The following TCERG1 variants were observed in gnomAD, a reference collection of about 807,000 sequenced individuals.
TCERG1 encodes the protein transcription elongation regulator 1, also known as TATA box binding protein (TBP)-associated factor, RNA polymerase II, S, 150kD.
Under a neutral mutation model 144.7 loss-of-function variants are expected in TCERG1, and 37 were observed. The ratio of observed to expected loss-of-function variants is 0.26; its 90% confidence interval spans 0.20 to 0.34. The LOEUF (loss-of-function observed/expected upper bound fraction) is 0.34, where lower values mean the gene tolerates loss of function less well. Among genes scored for constraint, TCERG1 ranks in the 10% least tolerant of loss-of-function variants. TCERG1 has a pLI of 1.00. For missense variants in TCERG1, 1,027 were observed against 1,380.7 expected (o/e 0.74, Z 4.06); for synonymous variants, 492 against 458.2 (o/e 1.07, Z -0.94).
intron 15 of TCERG1, among the ~76,000 whole-genome samples, chr5:146,487,886 C>T (rs1313502688): frequency 6.6e-6 from 1 of 152,092 alleles, no homozygotes; most frequent in African/African-American, 2.4e-5. Context: ...CAGTACGGTA[C>T]TGGCATAAAA....
intron 5 of TCERG1, among the ~76,000 whole-genome samples, chr5:146,466,287 T>G (rs1474914205): frequency 6.6e-6 from 1 of 152,164 alleles, no homozygotes; most frequent in Admixed American, 6.5e-5. Context: ...GTAATTTGTC[T>G]TGGAGGCTTA....
intron 15 of TCERG1, among the ~76,000 whole-genome samples, chr5:146,485,305 A>G (rs773298933): frequency 6.6e-6 from 1 of 152,032 alleles, no homozygotes; most frequent in Non-Finnish European, 1.5e-5. Flanking sequence ...TGCCTTTTCT[A>G]ATTTCTTTAT....
intron 4 of TCERG1, among the ~76,000 whole-genome samples, chr5:146,461,226 G>A (rs1763301036): frequency 6.6e-6 from 1 of 151,834 alleles, no homozygotes; most frequent in East Asian, 1.9e-4. Context: ...ATATAATATA[G>A]CAAAATCATA....
chr5:146,507,406 C>G lies in TCERG1; in HGVS notation c.2961+199C>G. On this transcript the variant is annotated intron_variant, in intron 20 of 22. Coordinates refer to ENST00000679501, the MANE Select transcript of TCERG1 (RefSeq NM_001382548.1). This position sits in a 1 kb window ranked among gnomAD's most constrained non-coding sequence, Gnocchi z 4.6. Reference sequence around the variant, plus strand: ...GCCTATTCTTTGCAGTTTTCACATTCATAACTGCTCCCATAGTAATTCAAA... The same window carrying G: ...GCCTATTCTTTGCAGTTTTCACATTGATAACTGCTCCCATAGTAATTCAAA... The G allele has an allele frequency of 2.0e-6, 1 of 502,278 alleles. No homozygotes were observed. Among genetic ancestry groups the G allele is most frequent in the South Asian group, 4.0e-5 (1 of 24,852 alleles). 31.1% of individuals were successfully genotyped at this position (502,278 alleles called of 1,614,324 possible).
At chr5:146,453,386 G>A (rs1253574253) in intron 1 of TCERG1, among the ~76,000 whole-genome samples, 3 of 152,112 alleles carry the variant, frequency 2.0e-5, no homozygotes, top group South Asian at 2.1e-4. Flanking sequence ...TACTATTTGC[G>A]TGCACACGTG....
chr5:146,483,529 T>TG lies in TCERG1; in HGVS notation c.2074-11_2074-10insG. 1 of 1,608,218 alleles carries TG rather than the reference T, an allele frequency of 6.2e-7. No homozygotes were observed. Among genetic ancestry groups the TG allele is most frequent in the South Asian group, 1.1e-5 (1 of 89,858 alleles). ...GACTTAATTATGAGGCAATACGTTT[T>TG]TATTTTAAAGGTGTCTGCTTTTTCA... On this transcript the variant is annotated splice_polypyrimidine_tract_variant and intron_variant, in intron 14 of 22. Transcript: ENST00000679501.
At chr5:146,468,554 T>G (rs1393009517) in intron 6 of TCERG1, 151 bp downstream of exon 6, 2 of 603,368 alleles carry the variant, frequency 3.3e-6, no homozygotes, top group African/African-American at 1.9e-5. Flanking sequence ...GTTGTCATAT[T>G]TGGCCAACAC....
At chr5:146,484,162 A>C (rs1296962333) in intron 15 of TCERG1, among the ~76,000 whole-genome samples, 2 of 152,298 alleles carry the variant, frequency 1.3e-5, no homozygotes, top group South Asian at 4.1e-4. Context: ...ACACAACTGC[A>C]TATACAAAGT....
At position 146,509,180 on chromosome 5, in the gene TCERG1, C is replaced by T; in HGVS notation, c.3081C>T (p.Asp1027=). The change falls in exon 22 of 23, where the codon GAC becomes GAT. Residue 1027 remains aspartate (D), a synonymous_variant. Coordinates refer to ENST00000679501, the MANE Select transcript of TCERG1 (RefSeq NM_001382548.1). ...GAGAATTTGAAGAATATATCAGAGA[C>T]AAATATATCACAGCCAAAGCTGACT... The part of the protein sequence containing the change: ...KQREFEEYIR[D]KYITAKADFR... 2 of 1,604,784 alleles carry T rather than the reference C, an allele frequency of 1.2e-6. No homozygotes were observed. The highest frequency in any genetic ancestry group is 1.7e-6 in the Non-Finnish European group (2 of 1,176,602).
chr5:146,449,032 G>A (rs545303296), intron 1 of TCERG1, among the ~76,000 whole-genome samples: 1 of 152,118 alleles, frequency 6.6e-6, no homozygotes, highest in Non-Finnish European at 1.5e-5. Context: ...ATTTTATACC[G>A]TAGCCTCTTG....
chr5:146,466,210 A>T (rs1047226017), intron 5 of TCERG1, among the ~76,000 whole-genome samples: 1 of 152,042 alleles, frequency 6.6e-6, no homozygotes, highest in Non-Finnish European at 1.5e-5. Flanking sequence ...AAACAATGAG[A>T]TTTGTGTCTC....
chr5:146,482,594 G>A lies in TCERG1; in HGVS notation c.1940G>A (p.Arg647Lys). The A allele has an allele frequency of 6.2e-7, 1 of 1,608,254 alleles. No individual in the cohort carries two copies. The highest frequency in any genetic ancestry group is 8.5e-7 in the Non-Finnish European group (1 of 1,177,340). Residue 647 changes from arginine (R) to lysine (K), a missense_variant and splice_region_variant, in exon 14 of 23, where the codon AGA becomes AAA. By Grantham distance (26) the Arg-to-Lys change is conservative. Around this residue, in one of 6 missense-constraint regions of TCERG1, gnomAD observed 482 missense variants for 632.6 expected, o/e 0.76. Coordinates refer to ENST00000679501, the MANE Select transcript of TCERG1 (RefSeq NM_001382548.1). ...GTCTTATATTTTATTTTTTATAGGA[G>A]AGACGATAATAAAGACATTGACTCA... is the stretch of plus-strand genomic sequence containing the variant. ...MWIARASLFR[R>K]DDNKDIDSEK...
chr5:146,460,258 G>T (rs1332486717), intron 4 of TCERG1, among the ~76,000 whole-genome samples: 1 of 152,028 alleles, frequency 6.6e-6, no homozygotes. Context: ...TTAAGAGAGG[G>T]ACACAGCTAT....
intron 15 of TCERG1, among the ~76,000 whole-genome samples, chr5:146,491,440 G>A (rs1023118295): frequency 2.0e-5 from 3 of 152,114 alleles, no homozygotes; most frequent in Admixed American, 1.3e-4. Context: ...GGCCAGGGAT[G>A]CTGGTATACA....
At chr5:146,449,273 T>G (rs1335838525) in intron 1 of TCERG1, among the ~76,000 whole-genome samples, 1 of 152,194 alleles carries the variant, frequency 6.6e-6, no homozygotes, top group Non-Finnish European at 1.5e-5. Flanking sequence ...ATACTTCACT[T>G]ATTGGGCCGA....
intron 15 of TCERG1, among the ~76,000 whole-genome samples, chr5:146,486,368 C>A (rs1318763701): frequency 2.0e-5 from 3 of 152,036 alleles, no homozygotes; most frequent in Non-Finnish European, 4.4e-5. Context: ...TTAGAATTTT[C>A]TTTTGATAAA....
intron 16 of TCERG1, among the ~76,000 whole-genome samples, 180 bp downstream of exon 16, chr5:146,493,218 C>T (rs1766589995): frequency 6.6e-6 from 1 of 151,982 alleles, no homozygotes; most frequent in South Asian, 2.1e-4. Flanking sequence ...TTAGAGGAAT[C>T]CTAAGTGCTC....
chr5:146,476,588 C>T (rs1429494574), intron 9 of TCERG1, among the ~76,000 whole-genome samples: 2 of 152,050 alleles, frequency 1.3e-5, no homozygotes, highest in Non-Finnish European at 2.9e-5. Context: ...TACTTGGTTT[C>T]AAAGTTATAA....
At position 146,496,869 on chromosome 5, in the gene TCERG1, G is replaced by GTT. The variant is rs70998085; in HGVS notation, c.2283-1646_2283-1645dup. Among the ~76,000 whole-genome samples, 293 of 83,292 alleles carry GTT rather than the reference G, an allele frequency of 3.5e-3. 1 individual carries two copies. The highest frequency in any genetic ancestry group is 4.3e-3 in the Non-Finnish European group (191 of 44,790). 54.6% of individuals were successfully genotyped at this position (83,292 alleles called of 152,430 possible). A position where few individuals can be genotyped will look rare whatever the true frequency, so the allele number is the denominator to read the frequency against. On this transcript the variant is annotated intron_variant, in intron 16 of 22. Transcript: ENST00000679501. Reference sequence around the variant, plus strand: ...TTGTAGGGACAGAGCCTCACTATGTGTTTTTTTTTTTTTTTTTTTTTTGAG... The same window carrying GTT: ...TTGTAGGGACAGAGCCTCACTATGTGTTTTTTTTTTTTTTTTTTTTTTTTGAG...
Sources: gnomAD v4.1 joint callset for allele counts (sites outside exome capture counted in the v4.1 genomes callset) on GRCh38, gnomAD v4.1.1 for gene constraint, gnomAD v4.1.1 regional missense constraint, Gnocchi (gnomAD v3.1) non-coding constraint, MANE v1.5 for transcripts, NCBI Gene and HGNC (gene_info 2026-07-23, HGNC 2026-07-21) for gene names.